SPAG16: variants seen among roughly 807,000 people sequenced by gnomAD.
The protein encoded by SPAG16 is sperm associated antigen 16.
A neutral mutation model predicts 80.4 loss-of-function variants in SPAG16; 86 were observed. That is an observed-to-expected ratio of 1.07 (90% CI 0.90 to 1.28). The LOEUF (loss-of-function observed/expected upper bound fraction) is 1.28. Among genes scored for constraint, SPAG16 ranks in the 50% most tolerant of loss-of-function variants. The probability of loss-of-function intolerance (pLI) is 0.00; values close to 1 mark genes in which losing one functional copy is unlikely to be tolerated. For missense variants in SPAG16, 870 were observed against 765.3 expected, an observed-to-expected ratio of 1.14 and a Z score of -1.61; for synonymous variants, 294 against 265.9, an observed-to-expected ratio of 1.11 and a Z score of -1.03.
chr2:214,297,204 G>A (rs1694196386), intron 15 of SPAG16, among the ~76,000 whole-genome samples: 1 of 152,076 alleles, frequency 6.6e-6, no homozygotes, highest in Admixed American at 6.6e-5. Flanking sequence ...GTAGATTCTG[G>A]AGATTAATCT....
intron 15 of SPAG16, among the ~76,000 whole-genome samples, chr2:214,326,555 TAAG>T (rs138630868): frequency 0.47 from 72,052 of 151,730 alleles, 21,005 homozygotes; most frequent in Non-Finnish European, 0.65. Flanking sequence ...GAAATCATAA[TAAG>T]AAGAGAGAAA....
At chr2:213,987,383 C>T (rs943665183) in intron 12 of SPAG16, among the ~76,000 whole-genome samples, 8 of 152,014 alleles carry the variant, frequency 5.3e-5, no homozygotes, top group Admixed American at 3.3e-4. Flanking sequence ...ATCTAGCAAT[C>T]GTGTAATTTA....
intron 10 of SPAG16, among the ~76,000 whole-genome samples, chr2:213,828,337 G>A (rs947817600): frequency 6.6e-6 from 1 of 151,996 alleles, no homozygotes; most frequent in Admixed American, 6.6e-5. Context: ...TATGTCAGTT[G>A]CATTTTTCAA....
chr2:214,039,837 T>C (rs1374170618), intron 13 of SPAG16, among the ~76,000 whole-genome samples: 2 of 152,224 alleles, frequency 1.3e-5, no homozygotes, highest in Non-Finnish European at 2.9e-5. Context: ...GAGTTATTAC[T>C]CAAACAACCT....
chr2:213,723,134 T>A (rs896635886), intron 10 of SPAG16, among the ~76,000 whole-genome samples: 18 of 152,188 alleles, frequency 1.2e-4, no homozygotes, highest in Admixed American at 3.3e-4. Flanking sequence ...CTCCTATGGA[T>A]AAAGAGTGAC....
chr2:213,346,562 A>G (rs1296418716), intron 6 of SPAG16, among the ~76,000 whole-genome samples: 2 of 152,142 alleles, frequency 1.3e-5, no homozygotes, highest in African/African-American at 4.8e-5. Flanking sequence ...TCCCATCAAT[A>G]CCTCATTTAT....
chr2:214,240,050 A>C lies in SPAG16; in HGVS notation c.1720+90784A>C, dbSNP rs142393212. 20 of 152,334 alleles carry C rather than the reference A, an allele frequency of 1.3e-4. No homozygotes were observed. The East Asian group carries it at 3.5e-3, about 26-fold the overall frequency. 9.4% of individuals were successfully genotyped at this position (152,334 alleles called of 1,614,324 possible). ...TGTGCCTATGTGAGGTGGTCATTAAAGAATGATGAGGAAAGGACCACAGAA... is the reference window on the plus strand; with the variant it reads ...TGTGCCTATGTGAGGTGGTCATTAACGAATGATGAGGAAAGGACCACAGAA... On this transcript the variant is annotated intron_variant, in intron 15 of 15. Coordinates refer to ENST00000331683, the MANE Select transcript of SPAG16 (RefSeq NM_024532.5).
At chr2:214,172,522 C>T (rs2056909882) in intron 15 of SPAG16, among the ~76,000 whole-genome samples, 1 of 152,066 alleles carries the variant, frequency 6.6e-6, no homozygotes, top group Non-Finnish European at 1.5e-5. Flanking sequence ...TGGGTTGGTT[C>T]CAAGTCTTTG....
intron 7 of SPAG16, among the ~76,000 whole-genome samples, chr2:213,359,310 G>A (rs964375694): frequency 6.6e-6 from 1 of 152,226 alleles, no homozygotes; most frequent in African/African-American, 2.4e-5. Context: ...TTTCTTCAGA[G>A]CTGTCAGACA....
At chr2:213,787,835 C>A (rs2125599176) in intron 10 of SPAG16, among the ~76,000 whole-genome samples, 1 of 152,060 alleles carries the variant, frequency 6.6e-6, no homozygotes, top group African/African-American at 2.4e-5. Context: ...AAATCACATA[C>A]TCTTTTACAT....
intron 10 of SPAG16, among the ~76,000 whole-genome samples, chr2:213,519,401 G>T (rs753315169): frequency 3.3e-5 from 5 of 152,110 alleles, no homozygotes; most frequent in Non-Finnish European, 7.3e-5. Context: ...GAATCATGGG[G>T]GCAGGTCTTT....
chr2:214,355,852 G>T lies in SPAG16; in HGVS notation c.1721-54288G>T, dbSNP rs537958327. Among the ~76,000 whole-genome samples, 109 of 151,410 alleles carry T rather than the reference G, an allele frequency of 7.2e-4. 4 individuals are homozygous for T. The East Asian group carries it at 0.017, about 24-fold the overall frequency. Reference sequence around the variant, plus strand: ...GGAATACTATGCAGCCATAAAAAATGATGAGTTCATGTCCTTTGTAGGGAC... The same window carrying T: ...GGAATACTATGCAGCCATAAAAAATTATGAGTTCATGTCCTTTGTAGGGAC... On this transcript the variant is annotated intron_variant, in intron 15 of 15. Coordinates refer to ENST00000331683, the MANE Select transcript of SPAG16 (RefSeq NM_024532.5).
intron 9 of SPAG16, among the ~76,000 whole-genome samples, chr2:213,431,109 AAAACACATT>A (rs2070268224): frequency 1.3e-5 from 2 of 152,174 alleles, no homozygotes; most frequent in African/African-American, 4.8e-5. Context: ...TGCCATCATT[AAAACACATT>A]AAAGGATAAG....
At chr2:213,953,782 T>C (rs971951778) in intron 12 of SPAG16, among the ~76,000 whole-genome samples, 1 of 151,714 alleles carries the variant, frequency 6.6e-6, no homozygotes, top group African/African-American at 2.4e-5. Flanking sequence ...ACCCAAATTA[T>C]CAGGATAAAA....
chr2:214,266,577 GA>G (rs935792729), intron 15 of SPAG16, among the ~76,000 whole-genome samples: 2 of 151,714 alleles, frequency 1.3e-5, no homozygotes, highest in African/African-American at 4.8e-5. Context: ...ACATAATACT[GA>G]AAATCCAAGA....
At chr2:213,600,015 G>T (rs2061009092) in intron 10 of SPAG16, among the ~76,000 whole-genome samples, 1 of 152,142 alleles carries the variant, frequency 6.6e-6, no homozygotes, top group African/African-American at 2.4e-5. Context: ...TGAGTCAAAG[G>T]TTGTATGCAG....
At position 213,782,522 on chromosome 2, in the gene SPAG16, C is replaced by A. The variant is rs920098840; in HGVS notation, c.1071-79963C>A. On this transcript the variant is annotated intron_variant, in intron 10 of 15. Coordinates refer to ENST00000331683, the MANE Select transcript of SPAG16 (RefSeq NM_024532.5). Reference sequence around the variant, plus strand: ...GTTTCAAATATTCTTTGATCCCTTTCAAAAAGAAATTACATAGCTGTTATT... The same window carrying A: ...GTTTCAAATATTCTTTGATCCCTTTAAAAAAGAAATTACATAGCTGTTATT... Among the ~76,000 whole-genome samples the A allele has an allele frequency of 2.6e-5, 4 of 152,206 alleles. No individual in the cohort carries two copies. The East Asian group carries it at 7.7e-4, about 29-fold the overall frequency.
At chr2:213,715,267 T>TCTATCTAG (rs2066190449) in intron 10 of SPAG16, among the ~76,000 whole-genome samples, 1 of 65,940 alleles carries the variant, frequency 1.5e-5, no homozygotes, top group Non-Finnish European at 4.5e-5. Context: ...TATCTATCTA[T>TCTATCTAG]CCATTCATCC....
chr2:213,659,235 G>A (rs1258110160), intron 10 of SPAG16, among the ~76,000 whole-genome samples: 1 of 151,594 alleles, frequency 6.6e-6, no homozygotes, highest in Admixed American at 6.6e-5. Flanking sequence ...AAGTGCATGA[G>A]CAACATGGCA....
Sources: allele counts gnomAD v4.1 joint callset (sites outside exome capture counted in the v4.1 genomes callset), GRCh38; gene constraint gnomAD v4.1.1; transcripts MANE v1.5; gene names NCBI Gene and HGNC (gene_info 2026-07-23, HGNC 2026-07-21).